MTOR: variants seen among roughly 807,000 people sequenced by gnomAD.
The protein encoded by MTOR is mechanistic target of rapamycin kinase.
In MTOR, 70 loss-of-function variants were observed where a neutral mutation model predicts 319.8. The ratio of observed to expected loss-of-function variants is 0.22; its 90% CI spans 0.18 to 0.27. MTOR has a LOEUF of 0.27. Ranked by LOEUF, MTOR falls within the 10% of genes least tolerant of loss-of-function variation. MTOR has a pLI of 1.00. For missense variants in MTOR, 1,890 were observed against 3,274.4 expected (o/e 0.58, Z 10.32); for synonymous variants, 1,183 against 1,211.4 (o/e 0.98, Z 0.49).
chr1:11,232,397 G>A (rs774410062), intron 16 of MTOR, 39 bp downstream of exon 16: 5 of 1,502,634 alleles, frequency 3.3e-6, no homozygotes, highest in Non-Finnish European at 4.6e-6. Context: ...CTGGACTCAT[G>A]GGGTCTGTCT....
intron 34 of MTOR, among the ~76,000 whole-genome samples, chr1:11,140,559 G>A (rs1357358425): frequency 6.6e-6 from 1 of 152,132 alleles, no homozygotes; most frequent in Non-Finnish European, 1.5e-5. Flanking sequence ...CCTTAGGGGC[G>A]TCTCAGCAGT....
chr1:11,240,348 T>C lies in MTOR; in HGVS notation c.1741A>G (p.Ser581Gly). The C allele has an allele frequency of 6.2e-7, 1 of 1,610,932 alleles. No homozygotes were observed. The highest frequency in any genetic ancestry group is 8.5e-7 in the Non-Finnish European group (1 of 1,178,380). ...TTLPEASDVG[S>G]ITLALRTLGS... is the part of the protein sequence containing the mutation. ...AGCGTTCGGAGGGCAAGAGTGATGC[T>C]GCCCACATCGCTGGCCTCAGGGAGG... The change falls in exon 11 of 58, where the codon AGC becomes GGC. Residue 581 changes from serine (S) to glycine (G), a missense_variant. Physicochemically the swap from Ser to Gly is moderately conservative, Grantham distance 56. This residue lies in a region of MTOR where 418 missense variants were observed against 543.1 expected (regional missense o/e 0.77). Coordinates refer to ENST00000361445, the MANE Select transcript of MTOR (RefSeq NM_004958.4).
intron 8 of MTOR, among the ~76,000 whole-genome samples, chr1:11,245,662 G>A (rs1648710864): frequency 1.3e-5 from 2 of 152,204 alleles, no homozygotes; most frequent in Admixed American, 1.3e-4. Context: ...CACTTTGGGA[G>A]GCCAAGGCAG....
At chr1:11,124,080 G>A in intron 47 of MTOR, among the ~76,000 whole-genome samples, 1 of 152,214 alleles carries the variant, frequency 6.6e-6, no homozygotes, top group African/African-American at 2.4e-5. Flanking sequence ...GGGCCACCGT[G>A]CCCGGTCACC....
chr1:11,134,850 T>C (rs1021746672), intron 36 of MTOR, among the ~76,000 whole-genome samples: 4 of 152,194 alleles, frequency 2.6e-5, no homozygotes, highest in African/African-American at 9.7e-5. Context: ...TTCAGGCTAA[T>C]AAAACTTTGG....
At chr1:11,177,736 A>G (rs1215785255) in intron 28 of MTOR, among the ~76,000 whole-genome samples, 1 of 152,196 alleles carries the variant, frequency 6.6e-6, no homozygotes, top group African/African-American at 2.4e-5. Context: ...CTTAGAATAA[A>G]GAGGGTAGAA....
At chr1:11,144,821 T>C in intron 33 of MTOR, 66 bp from the exon 34 acceptor site, 2 of 1,552,904 alleles carry the variant, frequency 1.3e-6, no homozygotes, top group Non-Finnish European at 1.8e-6. Flanking sequence ...AGGATTAATT[T>C]AAATCATTCC....
At chr1:11,146,858 A>C (rs1403664706) in intron 31 of MTOR, 67 bp from the exon 32 acceptor site, 1 of 1,082,990 alleles carries the variant, frequency 9.2e-7, no homozygotes, top group Non-Finnish European at 1.4e-6. Flanking sequence ...GCAGCATCTC[A>C]AATAGGTCTT....
intron 20 of MTOR, among the ~76,000 whole-genome samples, chr1:11,215,756 A>G (rs919192026): frequency 1.6e-4 from 24 of 152,186 alleles, no homozygotes; most frequent in African/African-American, 5.5e-4. Context: ...ACACGTGTCC[A>G]TCATATTTAA....
At chr1:11,231,163 G>T in intron 17 of MTOR, 109 bp from the exon 18 acceptor site, 1 of 1,586,888 alleles carries the variant, frequency 6.3e-7, no homozygotes, top group South Asian at 1.1e-5. Flanking sequence ...ATATCCAAAT[G>T]ACCAGCTACA....
chr1:11,175,746 GT>G lies in MTOR; in HGVS notation c.4254-8230del, dbSNP rs34392850. On this transcript the variant is annotated intron_variant, in intron 28 of 57. Coordinates refer to ENST00000361445, the MANE Select transcript of MTOR (RefSeq NM_004958.4). ...TTTCCTCTCAGGCTCTCCCTAGCAG[GT>G]TTTTTTTTTTTTTTTGAGACAGGGT... Among the ~76,000 whole-genome samples the G allele has an allele frequency of 6.0e-3, 826 of 137,214 alleles. 7 individuals are homozygous for G. The highest frequency in any genetic ancestry group is 0.016 in the African/African-American group (571 of 36,438). 90.0% of individuals were successfully genotyped at this position (137,214 alleles called of 152,430 possible).
In MTOR at chr1:11,139,382, T is replaced by G. The variant is rs781324623; in HGVS notation, c.5052A>C (p.Gln1684His). 5 of 1,613,652 alleles carry G rather than the reference T, an allele frequency of 3.1e-6. No individual in the cohort carries two copies. Among genetic ancestry groups the G allele is most frequent in the Middle Eastern group, 3.3e-4 (2 of 6,058 alleles). The change falls in exon 36 of 58, where the codon CAA (glutamine) becomes CAC (histidine). Residue 1684 changes from glutamine (Q) to histidine (H), a missense_variant. By Grantham distance (24) the Gln-to-His change is conservative (BLOSUM62 0). Coordinates refer to ENST00000361445, the MANE Select transcript of MTOR (RefSeq NM_004958.4). ...VLLLGVDPSR[Q>H]LDHPLPTVHP... is the part of the protein sequence containing the mutation. ...GAACTGTTGGCAGAGGATGGTCAAG[T>G]TGCCGAGACGGATCAACTCCCAGGA... is the stretch of plus-strand genomic sequence containing the variant.
At chr1:11,122,841 A>G (rs79171074) in intron 47 of MTOR, among the ~76,000 whole-genome samples, 1 of 152,132 alleles carries the variant, frequency 6.6e-6, no homozygotes, top group Non-Finnish European at 1.5e-5. Flanking sequence ...CCGCCGCAGC[A>G]GGCTGGTGTG....
intron 28 of MTOR, among the ~76,000 whole-genome samples, chr1:11,188,666 A>G (rs1645401232): frequency 6.6e-6 from 1 of 152,210 alleles, no homozygotes; most frequent in Admixed American, 6.5e-5. Flanking sequence ...ATATGCTAAT[A>G]CTGGCCCTCT....
intron 20 of MTOR, among the ~76,000 whole-genome samples, chr1:11,214,445 A>G (rs1354825467): frequency 6.6e-6 from 1 of 152,036 alleles, no homozygotes; most frequent in African/African-American, 2.4e-5. Flanking sequence ...TCAACTCAAA[A>G]AGACAGCTGC....
Position 11,212,517 on chromosome 1 carries a change from T to C in MTOR, c.3399-43A>G, listed in dbSNP as rs748539662. On this transcript the variant is annotated intron_variant, in intron 22 of 57. Transcript: ENST00000361445. This position sits in a 1 kb window ranked among gnomAD's most constrained non-coding sequence, Gnocchi z 4.1. ...ATACAGTAACTGCTAACATACAATC[T>C]CCAAGGAAGAGACGTGACTGAGGGT... The C allele has an allele frequency of 5.7e-6, 9 of 1,591,336 alleles. No homozygotes were observed. In the South Asian group the frequency reaches 1.0e-4, roughly 18 times the overall value.
rs201385047 is a variant in MTOR, at chr1:11,232,888, T to TA, written c.2422-361dup. On this transcript the variant is annotated intron_variant, in intron 15 of 57. Transcript: ENST00000361445. The stretch of plus-strand genomic sequence containing the variant: ...CTGTCTCAAAAACAAATAAATAAAA[T>TA]AAAAAATTTTTTTTAAAAAAGCCCT... 6.8e-4 allele frequency: 381 copies of TA among 562,894 alleles called. 3 individuals carry two copies. The East Asian group carries it at 0.011, about 16-fold the overall frequency. The allele number at this position is 562,894 out of a possible 1,614,324, so 34.9% of individuals were successfully genotyped here. A position where few individuals can be genotyped will look rare whatever the true frequency, so the allele number is the denominator to read the frequency against.
intron 28 of MTOR, among the ~76,000 whole-genome samples, chr1:11,187,926 GTA>G (rs534607522): frequency 1.4e-3 from 212 of 152,230 alleles, no homozygotes; most frequent in Middle Eastern, 6.8e-3. Context: ...AGGAGGCTGG[GTA>G]TGTGAGAAAA....
chr1:11,195,989 CT>C (rs1349798730), intron 28 of MTOR: 5 of 152,184 alleles, frequency 3.3e-5, no homozygotes, highest in African/African-American at 9.7e-5. Context: ...TGAGTATCTT[CT>C]TTTTAAATTC....
Sources: gnomAD v4.1 joint callset for allele counts (sites outside exome capture counted in the v4.1 genomes callset) on GRCh38, gnomAD v4.1.1 for gene constraint, gnomAD v4.1.1 regional missense constraint, Gnocchi (gnomAD v3.1) non-coding constraint, MANE v1.5 for transcripts, NCBI Gene and HGNC (gene_info 2026-07-23, HGNC 2026-07-21) for gene names.